Variants in MITF observed in about 807,000 individuals in gnomAD.
The protein encoded by MITF is melanocyte inducing transcription factor, also known as microphthalmia-associated transcription factor.
In MITF, 17 loss-of-function variants were observed where a neutral mutation model predicts 60.5. The observed-to-expected ratio is 0.28, with a 90% CI of 0.19 to 0.42. The LOEUF (loss-of-function observed/expected upper bound fraction) is 0.42. Among genes scored for constraint, MITF ranks in the 10% least tolerant of loss-of-function variants. MITF has a pLI of 1.00. For missense variants in MITF, 622 were observed against 683.5 expected (o/e 0.91, Z 1.00); for synonymous variants, 260 against 248.5 (o/e 1.05, Z -0.43).
chr3:69,951,756 C>T (rs1395480744), intron 6 of MITF, 56 bp from the exon 7 acceptor site: 9 of 1,301,178 alleles, frequency 6.9e-6, no homozygotes, highest in Non-Finnish European at 1.0e-5. Context: ...TTGTAGTTTA[C>T]ATTTTGTGCA....
chr3:69,938,776 T>G, intron 3 of MITF: 1 of 1,342,502 alleles, frequency 7.4e-7, no homozygotes, highest in East Asian at 3.0e-5. Context: ...TCAATGGGAT[T>G]TACCGTACTA....
intron 1 of MITF, among the ~76,000 whole-genome samples, chr3:69,872,621 T>C (rs769505497): frequency 3.3e-5 from 5 of 152,202 alleles, no homozygotes; most frequent in Non-Finnish European, 5.9e-5. Context: ...TTTTGGAGAA[T>C]ACTGATATAT....
At chr3:69,934,067 C>A (rs997934870) in intron 2 of MITF, among the ~76,000 whole-genome samples, 22 of 152,090 alleles carry the variant, frequency 1.4e-4, no homozygotes, top group Non-Finnish European at 1.0e-4. Context: ...TGTCACACAC[C>A]ACCTGTCCAC....
intron 2 of MITF, among the ~76,000 whole-genome samples, chr3:69,921,605 G>C (rs2065469548): frequency 6.6e-6 from 1 of 152,120 alleles, no homozygotes; most frequent in African/African-American, 2.4e-5. Flanking sequence ...GACGTTTCCT[G>C]CACCCTCCAA....
chr3:69,964,979 C>G lies in MITF; in HGVS notation c.1312C>G (p.His438Asp), dbSNP rs187202662. The G allele has an allele frequency of 8.7e-6, 14 of 1,614,042 alleles. No homozygotes were observed. The highest frequency in any genetic ancestry group is 1.2e-5 in the Non-Finnish European group (14 of 1,180,034). ...LENCSQDLLQ[H>D]HADLTCTTTL... is the part of the protein sequence containing the mutation. ...GAACTGCAGCCAAGACCTCCTTCAGCATCATGCAGACCTAACCTGTACAAC... is the reference window on the plus strand; with the variant it reads ...GAACTGCAGCCAAGACCTCCTTCAGGATCATGCAGACCTAACCTGTACAAC... Residue 438 changes from histidine (H) to aspartate (D), a missense_variant, in exon 10 of 10, where the codon CAT (histidine) becomes GAT (aspartate). His to Asp is a moderately conservative substitution (Grantham distance 81). This residue lies in a region of MITF where 224 missense variants were observed against 209.5 expected (regional missense o/e 1.07). Coordinates refer to ENST00000352241, the MANE Select transcript of MITF (RefSeq NM_001354604.2).
chr3:69,956,674 C>T (rs553634647), intron 8 of MITF, 144 bp downstream of exon 8: 16 of 719,766 alleles, frequency 2.2e-5, no homozygotes, highest in South Asian at 1.4e-4. Context: ...TCTTCTTACA[C>T]CTTTCTTTTG....
intron 1 of MITF, among the ~76,000 whole-genome samples, chr3:69,764,449 T>A (rs2062259350): frequency 6.6e-6 from 1 of 152,244 alleles, no homozygotes; most frequent in African/African-American, 2.4e-5. Flanking sequence ...GACTAATTAT[T>A]GTCTTTTCAA....
chr3:69,748,095 C>A (rs1401264369), intron 1 of MITF, among the ~76,000 whole-genome samples: 1 of 152,170 alleles, frequency 6.6e-6, no homozygotes, highest in African/African-American at 2.4e-5. Context: ...AGCTCTCCTC[C>A]CACATACCAC....
intron 1 of MITF, among the ~76,000 whole-genome samples, chr3:69,832,460 C>T (rs1218471384): frequency 6.6e-6 from 1 of 152,206 alleles, no homozygotes; most frequent in Non-Finnish European, 1.5e-5. Flanking sequence ...AGGTGACTTA[C>T]TCCCTTTAAT....
chr3:69,931,798 T>C (rs1277504679), intron 2 of MITF, among the ~76,000 whole-genome samples: 1 of 152,198 alleles, frequency 6.6e-6, no homozygotes, highest in Non-Finnish European at 1.5e-5. Flanking sequence ...TCTTCCCTTC[T>C]TATTCAGTTA....
At chr3:69,955,738 C>T (rs2066380313) in intron 7 of MITF, among the ~76,000 whole-genome samples, 1 of 152,048 alleles carries the variant, frequency 6.6e-6, no homozygotes, top group Non-Finnish European at 1.5e-5. Flanking sequence ...TCTCATGACC[C>T]AGGAGATGGA....
chr3:69,798,799 C>G (rs2062871569), intron 1 of MITF, among the ~76,000 whole-genome samples: 1 of 152,208 alleles, frequency 6.6e-6, no homozygotes, highest in Admixed American at 6.5e-5. Context: ...TTTGCATATG[C>G]TGCTTTTTCT....
intron 1 of MITF, among the ~76,000 whole-genome samples, chr3:69,777,752 A>G (rs1019947787): frequency 2.6e-5 from 4 of 152,194 alleles, no homozygotes; most frequent in African/African-American, 4.8e-5. Context: ...AGGCATGTGC[A>G]TATCTCTGAT....
Position 69,739,785 on chromosome 3 carries a change from C to T in MITF, c.104+84C>T, listed in dbSNP as rs1323703029. 8.5e-6 allele frequency: 9 copies of T among 1,057,674 alleles called. No homozygotes were observed. In the South Asian group the frequency reaches 9.6e-5, roughly 11 times the overall value. 65.5% of individuals were successfully genotyped at this position (1,057,674 alleles called of 1,614,324 possible). A position where few individuals can be genotyped will look rare whatever the true frequency, so the allele number is the denominator to read the frequency against. On this transcript the variant is annotated intron_variant, in intron 1 of 9. Transcript: ENST00000352241. ...ACTCTGGGGCGAGGAGAGCGGGTCG[C>T]GGGAGCTCTGGGACAAGGACCCAGT...
intron 1 of MITF, among the ~76,000 whole-genome samples, chr3:69,870,635 A>G (rs1263872212): frequency 1.3e-5 from 2 of 151,854 alleles, no homozygotes; most frequent in African/African-American, 4.8e-5. Context: ...GGGTTTCACC[A>G]TGTTGGCCAG....
chr3:69,838,406 G>C (rs1052959794), intron 1 of MITF, among the ~76,000 whole-genome samples: 1 of 151,932 alleles, frequency 6.6e-6, no homozygotes, highest in Non-Finnish European at 1.5e-5. Flanking sequence ...TGAAACAACT[G>C]TTATTAGTGA....
chr3:69,887,369 TA>T (rs1483890605), intron 2 of MITF, among the ~76,000 whole-genome samples: 4 of 152,062 alleles, frequency 2.6e-5, no homozygotes, highest in Non-Finnish European at 5.9e-5. Flanking sequence ...TGATCTGTGT[TA>T]AAAATATGTA....
chr3:69,887,995 G>C (rs926432663), intron 2 of MITF, among the ~76,000 whole-genome samples: 5 of 152,016 alleles, frequency 3.3e-5, no homozygotes, highest in Non-Finnish European at 5.9e-5. Context: ...AGATAACAAG[G>C]TGTAGGAATC....
At chr3:69,775,150 A>T (rs1012146014) in intron 1 of MITF, among the ~76,000 whole-genome samples, 1 of 151,996 alleles carries the variant, frequency 6.6e-6, no homozygotes, top group African/African-American at 2.4e-5. Flanking sequence ...CTTATCCTTC[A>T]TGCTGTTTAC....
Sources: allele counts gnomAD v4.1 joint callset (sites outside exome capture counted in the v4.1 genomes callset), GRCh38; gene constraint gnomAD v4.1.1; regional missense constraint gnomAD v4.1.1; transcripts MANE v1.5; gene names NCBI Gene and HGNC (gene_info 2026-07-23, HGNC 2026-07-21).